The following CACNA2D1 variants were observed in gnomAD, a reference collection of about 807,000 sequenced individuals.
CACNA2D1 encodes the protein voltage-dependent calcium channel subunit alpha-2/delta-1.
In CACNA2D1, 53 loss-of-function variants were observed where a neutral mutation model predicts 171.5. That is an observed-to-expected ratio of 0.31 (90% CI 0.25 to 0.39). CACNA2D1 has a LOEUF of 0.39. Ranked by LOEUF, CACNA2D1 falls within the 10% of genes least tolerant of loss-of-function variation. CACNA2D1 has a pLI of 1.00. For synonymous variants in CACNA2D1, 442 were observed against 443.1 expected, an observed-to-expected ratio of 1.00 and a Z score of 0.03; for missense variants, 903 against 1,299.8, an observed-to-expected ratio of 0.69 and a Z score of 4.69.
At chr7:82,201,031 C>G (rs1799373772) in intron 3 of CACNA2D1, among the ~76,000 whole-genome samples, 1 of 152,146 alleles carries the variant, frequency 6.6e-6, no homozygotes, top group South Asian at 2.1e-4. Flanking sequence ...ATTGATTATT[C>G]AAGTATATCT....
intron 3 of CACNA2D1, among the ~76,000 whole-genome samples, chr7:82,320,223 T>C (rs1208584788): frequency 6.6e-6 from 1 of 152,166 alleles, no homozygotes. Flanking sequence ...ATATCTATCA[T>C]TTAAAATTAA....
intron 32 of CACNA2D1, among the ~76,000 whole-genome samples, chr7:81,965,344 T>C (rs1435118149): frequency 6.6e-6 from 1 of 151,926 alleles, no homozygotes; most frequent in East Asian, 1.9e-4. Flanking sequence ...GATTAAAAGT[T>C]CATGTCATGC....
intron 1 of CACNA2D1, among the ~76,000 whole-genome samples, chr7:82,420,745 G>A (rs1349099575): frequency 6.6e-6 from 1 of 151,446 alleles, no homozygotes; most frequent in Non-Finnish European, 1.5e-5. Context: ...ACTTGCCTGT[G>A]ATAAATTTGT....
intron 4 of CACNA2D1, among the ~76,000 whole-genome samples, chr7:82,142,087 G>T (rs1213365992): frequency 1.3e-5 from 2 of 152,160 alleles, no homozygotes; most frequent in African/African-American, 4.8e-5. Flanking sequence ...ATTATGTGCA[G>T]TATGATAGAA....
chr7:82,372,959 C>G (rs920683740), intron 1 of CACNA2D1, among the ~76,000 whole-genome samples: 1 of 152,104 alleles, frequency 6.6e-6, no homozygotes, highest in Admixed American at 6.5e-5. Context: ...CCAAGGCAGG[C>G]GGATCACTGG....
At chr7:81,965,713 G>A (rs1794649552) in intron 31 of CACNA2D1, 48 bp from the exon 32 acceptor site, 1 of 1,120,042 alleles carries the variant, frequency 8.9e-7, no homozygotes, top group African/African-American at 1.5e-5. Context: ...AAGGTTAGGA[G>A]GCTGCATTGT....
chr7:81,974,617 A>T (rs1795636433), intron 24 of CACNA2D1, 65 bp from the exon 25 acceptor site: 1 of 816,458 alleles, frequency 1.2e-6, no homozygotes, highest in Non-Finnish European at 2.0e-6. Flanking sequence ...AATTAAAGGT[A>T]GTGAAAACAC....
chr7:82,224,415 G>A (rs1563223558), intron 3 of CACNA2D1, among the ~76,000 whole-genome samples: 2 of 151,762 alleles, frequency 1.3e-5, no homozygotes, highest in African/African-American at 4.8e-5. Context: ...GTGAAACTTC[G>A]TCTCTACTAA....
intron 38 of CACNA2D1, among the ~76,000 whole-genome samples, chr7:81,955,361 G>A (rs1020313443): frequency 1.3e-5 from 2 of 151,836 alleles, no homozygotes; most frequent in Admixed American, 6.6e-5. Flanking sequence ...CCTTAATGTG[G>A]GAAACAACTG....
chr7:82,340,728 C>A (rs1010142447), intron 2 of CACNA2D1, among the ~76,000 whole-genome samples: 1 of 152,074 alleles, frequency 6.6e-6, no homozygotes, highest in African/African-American at 2.4e-5. Context: ...ATTACCTTCA[C>A]AATTGTGTGA....
In CACNA2D1 at chr7:82,005,426, T is replaced by C. The variant is rs1799021043; in HGVS notation, c.1587A>G (p.Pro529=). ...TGTAAACAAATTATATACTGACCTT[T>C]GGCTGAAGATTTGGATGTAATAAAA... ...GYVLLHPNLQ[P]KNPKSQEPVT... is the part of the protein sequence containing the mutation. Residue 529 remains proline, a synonymous_variant, in exon 18 of 39, where the codon CCA becomes CCG. Coordinates refer to ENST00000356860, the MANE Select transcript of CACNA2D1 (RefSeq NM_000722.4). 1.3e-6 allele frequency: 2 copies of C among 1,565,424 alleles called. No homozygotes were observed. Among genetic ancestry groups the C allele is most frequent in the African/African-American group, 1.4e-5 (1 of 73,914 alleles).
chr7:82,106,359 T>C (rs1787761172), intron 6 of CACNA2D1, among the ~76,000 whole-genome samples: 1 of 152,084 alleles, frequency 6.6e-6, no homozygotes, highest in Non-Finnish European at 1.5e-5. Flanking sequence ...GGAAGCTATT[T>C]TAATTTAAGA....
At chr7:82,117,818 A>G (rs1789257832) in intron 5 of CACNA2D1, among the ~76,000 whole-genome samples, 2 of 152,124 alleles carry the variant, frequency 1.3e-5, no homozygotes, top group African/African-American at 4.8e-5. Flanking sequence ...CAAATAAAAT[A>G]ATAAGAAACT....
intron 3 of CACNA2D1, among the ~76,000 whole-genome samples, chr7:82,318,858 AGAAG>A (rs1815439795): frequency 6.7e-6 from 1 of 150,044 alleles, no homozygotes; most frequent in African/African-American, 2.4e-5. Context: ...AAGAGGAAGA[AGAAG>A]GGACAGAGGA....
Position 82,117,149 on chromosome 7 carries a change from C to G in CACNA2D1, c.421G>C (p.Gly141Arg), listed in dbSNP as rs1342483559. 1.9e-6 allele frequency: 3 copies of G among 1,613,792 alleles called. No homozygotes were observed. The South Asian group carries it at 3.3e-5, about 18-fold the overall frequency. The part of the protein sequence containing the change: ...LDPEKNDSEP[G>R]SQRIKPVFIE... ...AAAACAGGTTTTATCCTCTGGCTGCCTGGCTCACTGTCATTTTTCTCAGGC... is the reference window on the plus strand; with the variant it reads ...AAAACAGGTTTTATCCTCTGGCTGCGTGGCTCACTGTCATTTTTCTCAGGC... The change falls in exon 6 of 39, where the codon GGC becomes CGC. Residue 141 changes from glycine (G) to arginine (R), a missense_variant. This residue lies in a region of CACNA2D1 where 189 missense variants were observed against 266.8 expected (regional missense o/e 0.71). Coordinates refer to ENST00000356860, the MANE Select transcript of CACNA2D1 (RefSeq NM_000722.4).
chr7:81,984,649 A>G lies in CACNA2D1; in HGVS notation c.1859T>C (p.Ile620Thr), dbSNP rs1458321248. 6.4e-7 allele frequency: 1 copy of G among 1,566,712 alleles called. No homozygotes were observed. Among genetic ancestry groups the G allele is most frequent in the Non-Finnish European group, 8.7e-7 (1 of 1,147,460 alleles). Residue 620 changes from isoleucine to threonine, a missense_variant, in exon 22 of 39, where the codon ATA (isoleucine) becomes ACA (threonine). By Grantham distance (89) the Ile-to-Thr change is moderately conservative. Around this residue, in one of 5 missense-constraint regions of CACNA2D1, gnomAD observed 623 missense variants for 925.5 expected, o/e 0.67. Transcript: ENST00000356860. ...YYIKAKLEET[I>T]TQARSKKGKM... ...ACAGTACTTACATCTGGCCTGAGTT[A>G]TTGTCTCTTCTAGTTTGGCTTTTAT...
At chr7:82,082,882 A>C (rs1418870222) in intron 7 of CACNA2D1, among the ~76,000 whole-genome samples, 1 of 152,088 alleles carries the variant, frequency 6.6e-6, no homozygotes, top group Non-Finnish European at 1.5e-5. Flanking sequence ...TTGAAGTTAA[A>C]GAATTACAGA....
At chr7:82,006,181 G>A (rs762761657) in intron 16 of CACNA2D1, among the ~76,000 whole-genome samples, 3 of 151,878 alleles carry the variant, frequency 2.0e-5, no homozygotes, top group African/African-American at 4.8e-5. Flanking sequence ...GTCTATATAT[G>A]TGAGTTTAGA....
chr7:82,405,600 G>A (rs187235605), intron 1 of CACNA2D1, among the ~76,000 whole-genome samples: 13 of 152,268 alleles, frequency 8.5e-5, no homozygotes, highest in East Asian at 3.9e-4. Context: ...AGGAGATTCC[G>A]AGGAATGACA....
Sources: allele counts gnomAD v4.1 joint callset (sites outside exome capture counted in the v4.1 genomes callset), GRCh38; gene constraint gnomAD v4.1.1; regional missense constraint gnomAD v4.1.1; transcripts MANE v1.5; gene names NCBI Gene and HGNC (gene_info 2026-07-23, HGNC 2026-07-21).